ART3: variants seen among roughly 807,000 people sequenced by gnomAD.
ART3 encodes the protein ADP-ribosyltransferase 3 (inactive), also known as ecto-ADP-ribosyltransferase 3.
In ART3, 49 loss-of-function variants were observed where a neutral mutation model predicts 48.5. The ratio of observed to expected loss-of-function variants is 1.01; its 90% CI spans 0.80 to 1.28. ART3 has a LOEUF of 1.28. ART3 is among the 50% of genes most tolerant of loss of function. The probability of loss-of-function intolerance (pLI) is 0.00; values close to 1 mark genes in which losing one functional copy is unlikely to be tolerated. For synonymous variants in ART3, 145 were observed against 157.2 expected (o/e 0.92, Z 0.58); for missense variants, 438 against 454.3 (o/e 0.96, Z 0.33).
intron 1 of ART3, chr4:76,036,219 C>T (rs1219847197): frequency 6.3e-6 from 3 of 474,958 alleles, no homozygotes; most frequent in Non-Finnish European, 1.1e-5. Context: ...CTGTCCCTTC[C>T]TATTTGCAGT....
intron 3 of ART3, among the ~76,000 whole-genome samples, chr4:76,084,916 G>A (rs967612002): frequency 8.5e-5 from 13 of 152,278 alleles, no homozygotes; most frequent in African/African-American, 2.4e-4. Context: ...CAGTACTCTC[G>A]TACCAATCCT....
chr4:76,037,227 T>C (rs975913511), intron 1 of ART3, among the ~76,000 whole-genome samples: 2 of 141,870 alleles, frequency 1.4e-5, no homozygotes, highest in Non-Finnish European at 3.0e-5. Context: ...TACTTTGATG[T>C]AATTCCTATT....
chr4:76,031,151 C>G (rs1733838413), intron 1 of ART3, among the ~76,000 whole-genome samples: 3 of 152,144 alleles, frequency 2.0e-5, no homozygotes, highest in Non-Finnish European at 4.4e-5. Context: ...TTATTCTCTT[C>G]TTAACTTCAA....
At chr4:76,056,123 A>G (rs1289743501) in intron 1 of ART3, among the ~76,000 whole-genome samples, 2 of 152,210 alleles carry the variant, frequency 1.3e-5, no homozygotes. Context: ...CTGCTCCCTC[A>G]GTGCCATCCC....
intron 9 of ART3, 96 bp downstream of exon 9, chr4:76,104,065 G>A (rs1727928291): frequency 3.0e-6 from 4 of 1,333,728 alleles, no homozygotes; most frequent in Non-Finnish European, 4.3e-6. Context: ...TATTATTCAT[G>A]AATATTTCCC....
intron 1 of ART3, among the ~76,000 whole-genome samples, chr4:76,013,871 A>G (rs1384529496): frequency 6.6e-6 from 1 of 152,194 alleles, no homozygotes; most frequent in Non-Finnish European, 1.5e-5. Flanking sequence ...TTCTTTACAA[A>G]TTGATATTTT....
intron 1 of ART3, among the ~76,000 whole-genome samples, chr4:76,024,559 A>T (rs943306424): frequency 5.3e-5 from 8 of 152,208 alleles, no homozygotes; most frequent in Non-Finnish European, 2.9e-5. Context: ...AAAGCACATG[A>T]TACTCATATA....
At chr4:76,036,303 TC>T (rs1734400123) in intron 1 of ART3, 1 of 336,658 alleles carries the variant, frequency 3.0e-6, no homozygotes. Context: ...AGGTAGCTTT[TC>T]CTAGAAATCC....
At chr4:76,086,424 CA>C (rs1723592336) in intron 3 of ART3, among the ~76,000 whole-genome samples, 2 of 152,114 alleles carry the variant, frequency 1.3e-5, no homozygotes, top group South Asian at 4.2e-4. Flanking sequence ...TATATGAGAT[CA>C]AAAACGAGAG....
intron 1 of ART3, among the ~76,000 whole-genome samples, chr4:76,045,671 G>A (rs1226453511): frequency 2.0e-5 from 3 of 152,028 alleles, no homozygotes; most frequent in Non-Finnish European, 1.5e-5. Context: ...TAAAGCTGGA[G>A]CTTGTACTAG....
chr4:76,068,675 A>C (rs2149496787), intron 1 of ART3, among the ~76,000 whole-genome samples: 1 of 152,196 alleles, frequency 6.6e-6, no homozygotes, highest in Middle Eastern at 3.4e-3. Flanking sequence ...AAAAAAAAAT[A>C]ACTGTTGTGT....
At chr4:76,090,704 C>T (rs1724684677) in intron 3 of ART3, among the ~76,000 whole-genome samples, 1 of 152,092 alleles carries the variant, frequency 6.6e-6, no homozygotes, top group Non-Finnish European at 1.5e-5. Flanking sequence ...TCCTGTTCAT[C>T]CCATCCTCAT....
chr4:76,014,715 G>A (rs983700120), intron 1 of ART3, among the ~76,000 whole-genome samples: 1 of 150,850 alleles, frequency 6.6e-6, no homozygotes, highest in African/African-American at 2.4e-5. Flanking sequence ...TGAACTCCAA[G>A]CAAGTTAAAC....
At chr4:76,085,518 G>A (rs949798641) in intron 3 of ART3, among the ~76,000 whole-genome samples, 5 of 152,120 alleles carry the variant, frequency 3.3e-5, no homozygotes, top group African/African-American at 4.8e-5. Context: ...CACCTTATTT[G>A]CCTCACCCTA....
chr4:76,083,935 C>T (rs1482966401), intron 3 of ART3, among the ~76,000 whole-genome samples: 4 of 152,162 alleles, frequency 2.6e-5, no homozygotes, highest in Non-Finnish European at 4.4e-5. Context: ...TCCCAATGTA[C>T]GTCCATTTCC....
intron 8 of ART3, 25 bp downstream of exon 8, chr4:76,101,044 G>A: frequency 3.1e-6 from 5 of 1,611,900 alleles, no homozygotes; most frequent in Non-Finnish European, 4.2e-6. Flanking sequence ...TAAATTCTGG[G>A]GGCTTACATT....
intron 1 of ART3, among the ~76,000 whole-genome samples, chr4:76,012,686 T>TG (rs1341892637): frequency 6.6e-6 from 1 of 152,208 alleles, no homozygotes; most frequent in East Asian, 1.9e-4. Flanking sequence ...AAGGACATGA[T>TG]GTAAAGGACA....
chr4:76,061,618 T>C (rs2149481194), intron 1 of ART3, among the ~76,000 whole-genome samples: 1 of 152,340 alleles, frequency 6.6e-6, no homozygotes, highest in South Asian at 2.1e-4. Context: ...AAGGCGCTCT[T>C]TATGATCTGA....
At chr4:76,074,119 T>C (rs934827645), upstream of ART3, among the ~76,000 whole-genome samples, 1 of 152,250 alleles carries the variant, frequency 6.6e-6, no homozygotes, top group Admixed American at 6.5e-5. Context: ...ATGTATGCGT[T>C]ACTCAAATGA....
Sources: allele counts gnomAD v4.1 joint callset (sites outside exome capture counted in the v4.1 genomes callset), GRCh38; gene constraint gnomAD v4.1.1; transcripts MANE v1.5; gene names NCBI Gene and HGNC (gene_info 2026-07-23, HGNC 2026-07-21).